The following SH3D19 variants were observed in gnomAD, a reference collection of about 807,000 sequenced individuals.
SH3D19 encodes the protein SH3 domain containing 19, also known as SH3 domain-containing protein 19.
In SH3D19, 58 loss-of-function variants were observed where a neutral mutation model predicts 112.1. The observed-to-expected ratio is 0.52, with a 90% CI of 0.42 to 0.64. SH3D19 has a LOEUF of 0.64. Among genes scored for constraint, SH3D19 ranks in the 30% least tolerant of loss-of-function variants. SH3D19 has a pLI of 0.00. For missense variants in SH3D19, 1,090 were observed against 1,263.4 expected, an observed-to-expected ratio of 0.86 and a Z score of 2.08; for synonymous variants, 391 against 448.5, an observed-to-expected ratio of 0.87 and a Z score of 1.62.
At chr4:151,274,530 A>G (rs957140106) in intron 1 of SH3D19, among the ~76,000 whole-genome samples, 2 of 152,198 alleles carry the variant, frequency 1.3e-5, no homozygotes, top group Non-Finnish European at 2.9e-5. Flanking sequence ...GAACAACTTG[A>G]GCAGTTTATA....
intron 1 of SH3D19, among the ~76,000 whole-genome samples, chr4:151,296,034 C>CA (rs35741045): frequency 0.72 from 90,181 of 124,810 alleles, 34,054 homozygotes; most frequent in Non-Finnish European, 0.87. Context: ...GGCTCCGTCT[C>CA]AAAAAAAAAA....
intron 1 of SH3D19, chr4:151,227,758 A>T: frequency 1.0e-6 from 1 of 985,452 alleles, no homozygotes; most frequent in Non-Finnish European, 1.2e-6. Flanking sequence ...AACAACTCTT[A>T]CCTGTGGCTA....
At chr4:151,265,921 C>A (rs1772755436) in intron 1 of SH3D19, among the ~76,000 whole-genome samples, 1 of 152,176 alleles carries the variant, frequency 6.6e-6, no homozygotes, top group South Asian at 2.1e-4. Context: ...GAAAATTATT[C>A]ATTGTTGGGA....
chr4:151,169,242 ATAACTGGCACTCAGATAG>A (rs1406376279), intron 7 of SH3D19, among the ~76,000 whole-genome samples: 1 of 152,166 alleles, frequency 6.6e-6, no homozygotes, highest in Non-Finnish European at 1.5e-5. Flanking sequence ...CTGTTTTTTA[ATAACTGGCACTCAGATAG>A]TGTATAATTA....
rs1385605729 is a variant in SH3D19, at chr4:151,186,455, CAG to C, written c.193+966_193+967del. On this transcript the variant is annotated intron_variant, in intron 3 of 19. Coordinates refer to ENST00000604030, the MANE Select transcript of SH3D19 (RefSeq NM_001378122.1). ...TACTTCTTTTTTCTTTTCTTTGAGA[CAG>C]AGTTTTGCTCTTGTTGCCCAGGCTG... is the stretch of plus-strand genomic sequence containing the variant. Among the ~76,000 whole-genome samples, 2 of 152,174 alleles carry C rather than the reference CAG, an allele frequency of 1.3e-5. 1 individual carries two copies. The highest frequency in any genetic ancestry group is 2.9e-5 in the Non-Finnish European group (2 of 68,050).
At chr4:151,274,118 ATAG>A (rs1346407376) in intron 1 of SH3D19, among the ~76,000 whole-genome samples, 4 of 152,192 alleles carry the variant, frequency 2.6e-5, no homozygotes, top group Non-Finnish European at 5.9e-5. Context: ...CACAAATGTA[ATAG>A]TAGTAGTAGA....
chr4:151,257,100 T>A (rs574310810), intron 1 of SH3D19, among the ~76,000 whole-genome samples: 24 of 152,040 alleles, frequency 1.6e-4, no homozygotes, highest in Non-Finnish European at 3.4e-4. Flanking sequence ...TGTTTATTTA[T>A]TTTTTGAGAT....
Position 151,175,255 on chromosome 4 carries a change from T to C in SH3D19, c.949A>G (p.Ile317Val). 1 of 1,614,096 alleles carries C rather than the reference T, an allele frequency of 6.2e-7. No homozygotes were observed. The highest frequency in any genetic ancestry group is 8.5e-7 in the Non-Finnish European group (1 of 1,179,998). ...TTTGGAGGAAGTGAACGTGGAGTAA[T>C]TTCTGGTTTCTTGGGCAGTCCTGAG... ...ETSGLPKKPE[I>V]TPRSLPPKPT... Residue 317 changes from isoleucine to valine, a missense_variant, in exon 7 of 20, where the codon ATT becomes GTT. Ile to Val is a conservative substitution (Grantham distance 29). Coordinates refer to ENST00000604030, the MANE Select transcript of SH3D19 (RefSeq NM_001378122.1).
intron 1 of SH3D19, among the ~76,000 whole-genome samples, chr4:151,254,955 GCC>G (rs1300111548): frequency 7.2e-6 from 1 of 138,164 alleles, no homozygotes; most frequent in Non-Finnish European, 1.6e-5. Context: ...GGGGGCTGAC[GCC>G]CCCACCTCCC....
chr4:151,271,311 C>T (rs1561417995), intron 1 of SH3D19, among the ~76,000 whole-genome samples: 1 of 152,202 alleles, frequency 6.6e-6, no homozygotes, highest in Non-Finnish European at 1.5e-5. Flanking sequence ...AATTAGAAAA[C>T]AGACAATGGT....
intron 1 of SH3D19, among the ~76,000 whole-genome samples, chr4:151,240,185 A>T (rs1205086754): frequency 3.3e-5 from 5 of 151,962 alleles, no homozygotes; most frequent in Non-Finnish European, 5.9e-5. Flanking sequence ...TGGAAGGATC[A>T]TTTGAATCCA....
intron 2 of SH3D19, among the ~76,000 whole-genome samples, chr4:151,215,191 C>T (rs1370803552): frequency 3.3e-5 from 5 of 152,150 alleles, no homozygotes; most frequent in Non-Finnish European, 5.9e-5. Context: ...CAAAGTGTTG[C>T]GAATACAGGC....
chr4:151,272,389 T>C (rs1185558128), intron 1 of SH3D19, among the ~76,000 whole-genome samples: 1 of 152,156 alleles, frequency 6.6e-6, no homozygotes, highest in African/African-American at 2.4e-5. Flanking sequence ...AGAGGAACTT[T>C]CTCCAAAATG....
chr4:151,174,645 C>T (rs1174976346), intron 7 of SH3D19, 25 bp downstream of exon 7: 1 of 1,493,580 alleles, frequency 6.7e-7, no homozygotes, highest in South Asian at 1.5e-5. Context: ...TTTAGATTCC[C>T]CTCCACTGCT....
chr4:151,227,913 G>C, intron 1 of SH3D19: 1 of 985,400 alleles, frequency 1.0e-6, no homozygotes, highest in African/African-American at 1.7e-5. Flanking sequence ...ACAGAGTCAC[G>C]ATGCATGTAA....
chr4:151,196,968 C>T (rs937429675), intron 2 of SH3D19, among the ~76,000 whole-genome samples: 2 of 152,004 alleles, frequency 1.3e-5, no homozygotes, highest in Non-Finnish European at 2.9e-5. Flanking sequence ...GCAAGAATGG[C>T]CATAATAAAA....
intron 2 of SH3D19, among the ~76,000 whole-genome samples, chr4:151,195,336 C>T (rs1763266726): frequency 7.9e-6 from 1 of 126,270 alleles, no homozygotes; most frequent in Non-Finnish European, 1.6e-5. Context: ...CGCCCCACTG[C>T]ACTCCAGCCT....
chr4:151,295,538 A>G (rs555439885), intron 1 of SH3D19, among the ~76,000 whole-genome samples: 7 of 152,332 alleles, frequency 4.6e-5, no homozygotes, highest in African/African-American at 1.7e-4. Context: ...TTCATCACCA[A>G]AACAGCTAAC....
intron 1 of SH3D19, among the ~76,000 whole-genome samples, chr4:151,232,421 T>G (rs1439275400): frequency 6.6e-6 from 1 of 152,144 alleles, no homozygotes; most frequent in Admixed American, 6.5e-5. Context: ...TTAAATGAGA[T>G]AATGCCAGTG....
Sources: gnomAD v4.1 joint callset for allele counts (sites outside exome capture counted in the v4.1 genomes callset) on GRCh38, gnomAD v4.1.1 for gene constraint, MANE v1.5 for transcripts, NCBI Gene and HGNC (gene_info 2026-07-23, HGNC 2026-07-21) for gene names.